Variants in SS18L1 observed in about 807,000 individuals in gnomAD.
The protein encoded by SS18L1 is calcium-responsive transactivator.
In SS18L1, 32 loss-of-function variants were observed where a neutral mutation model predicts 70.3. That is an observed-to-expected ratio of 0.46 (90% CI 0.34 to 0.61). SS18L1 has a LOEUF of 0.61. SS18L1 is among the 20% of genes least tolerant of loss of function. The probability of loss-of-function intolerance (pLI) is 0.01; values close to 1 mark genes in which losing one functional copy is unlikely to be tolerated. For synonymous variants in SS18L1, 237 were observed against 229.7 expected, an observed-to-expected ratio of 1.03 and a Z score of -0.29; for missense variants, 430 against 542.1, an observed-to-expected ratio of 0.79 and a Z score of 2.05.
At chr20:62,177,403 GCAGAAAGACAT>G (rs1425383865) in intron 10 of SS18L1, among the ~76,000 whole-genome samples, 2 of 152,168 alleles carry the variant, frequency 1.3e-5, no homozygotes, top group African/African-American at 4.8e-5. Flanking sequence ...TGGTGCAGGA[GCAGAAAGACAT>G]CAGAACAGAC....
At chr20:62,157,819 G>C (rs1175711709) in intron 1 of SS18L1, among the ~76,000 whole-genome samples, 1 of 152,164 alleles carries the variant, frequency 6.6e-6, no homozygotes, top group Non-Finnish European at 1.5e-5. Flanking sequence ...GCCAGCCCCA[G>C]GTCTAGGTCA....
rs1027932053 is a variant in SS18L1, at chr20:62,159,315, G to T, written c.147-562G>T. ...CCTCCAAGCGGCTGTCCAAGTGGCC[G>T]TCAGACTGACCTGGAGGTGGGAAGT... On this transcript the variant is annotated intron_variant, in intron 2 of 10. Coordinates refer to ENST00000331758, the MANE Select transcript of SS18L1 (RefSeq NM_198935.3). This position sits in a 1 kb window ranked among gnomAD's most constrained non-coding sequence, Gnocchi z 4.4. Among the ~76,000 whole-genome samples the T allele has an allele frequency of 2.6e-5, 4 of 152,224 alleles. No individual in the cohort carries two copies. Among genetic ancestry groups the T allele is most frequent in the Admixed American group, 2.6e-4 (4 of 15,288 alleles).
At position 62,162,789 on chromosome 20, in the gene SS18L1, C is replaced by T. The variant is rs757745478; in HGVS notation, c.414C>T (p.Asn138=). ...SHVSMQQTAP[N]TLPTTSMSIS... is the part of the protein sequence containing the mutation. ...TGTCCATGCAGCAGACGGCGCCTAA[C>T]ACGCTGCCCACCACCTCCATGAGCA... Residue 138 remains asparagine, a synonymous_variant, in exon 5 of 11, where the codon AAC becomes AAT. Transcript: ENST00000331758. 4 of 1,612,614 alleles carry T rather than the reference C, an allele frequency of 2.5e-6. No individual in the cohort carries two copies. The South Asian group carries it at 4.4e-5, about 18-fold the overall frequency.
Position 62,174,496 on chromosome 20 carries a change from C to T in SS18L1, c.1037-21C>T, listed in dbSNP as rs560264245. The T allele has an allele frequency of 1.1e-4, 182 of 1,593,984 alleles. 2 individuals are homozygous for T. The South Asian group carries it at 1.9e-3, about 16-fold the overall frequency. ...GAGGTGTCCGTTTTGGCCGGCCTCA[C>T]GGTTCCTGGTGTCTTCTCAGGGTCT... is the stretch of plus-strand genomic sequence containing the variant. On this transcript the variant is annotated intron_variant, in intron 9 of 10. Coordinates refer to ENST00000331758, the MANE Select transcript of SS18L1 (RefSeq NM_198935.3). This position sits in a 1 kb window ranked among gnomAD's most constrained non-coding sequence, Gnocchi z 4.1.
At chr20:62,162,260 G>A (rs2057342941) in intron 4 of SS18L1, among the ~76,000 whole-genome samples, 1 of 152,122 alleles carries the variant, frequency 6.6e-6, no homozygotes, top group African/African-American at 2.4e-5. Flanking sequence ...ACAAATAAAC[G>A]ATTCATCCTG....
At position 62,174,718 on chromosome 20, in the gene SS18L1, GC is replaced by G; in HGVS notation, c.1164+76del. 1 of 1,611,584 alleles carries G rather than the reference GC, an allele frequency of 6.2e-7. No homozygotes were observed. ...AGACATAATGAAGATTTCTCTTATG[GC>G]CATGAGGAATAATGAGCTGGAACTA... On this transcript the variant is annotated intron_variant, in intron 10 of 10. Coordinates refer to ENST00000331758, the MANE Select transcript of SS18L1 (RefSeq NM_198935.3). The surrounding 1 kb of genome is among the most constrained non-coding windows in gnomAD (Gnocchi z 4.1).
chr20:62,173,708 A>C (rs1238529305), intron 9 of SS18L1, among the ~76,000 whole-genome samples: 3 of 151,994 alleles, frequency 2.0e-5, no homozygotes, highest in Non-Finnish European at 4.4e-5. Flanking sequence ...ACGACTCCTC[A>C]AAAAATAAAA....
intron 1 of SS18L1, among the ~76,000 whole-genome samples, chr20:62,145,158 C>T (rs190471338): frequency 1.3e-5 from 2 of 152,350 alleles, no homozygotes; most frequent in Admixed American, 6.5e-5. Context: ...ACTTAGTAAA[C>T]ACTTATGTGG....
intron 1 of SS18L1, among the ~76,000 whole-genome samples, chr20:62,147,350 G>C (rs757052064): frequency 1.3e-5 from 2 of 152,106 alleles, no homozygotes; most frequent in African/African-American, 2.4e-5. Context: ...ATGTCCCCAC[G>C]GTGGCCCTGG....
At chr20:62,152,699 C>T (rs1266698944) in intron 1 of SS18L1, among the ~76,000 whole-genome samples, 1 of 152,218 alleles carries the variant, frequency 6.6e-6, no homozygotes, top group African/African-American at 2.4e-5. Flanking sequence ...GTGGAGGAGA[C>T]TCAGGTGGGC....
intron 1 of SS18L1, among the ~76,000 whole-genome samples, chr20:62,152,721 C>T (rs556782955): frequency 7.2e-5 from 11 of 152,324 alleles, no homozygotes; most frequent in African/African-American, 2.2e-4. Flanking sequence ...CATCACCAGC[C>T]CTGGCAACCC....
At chr20:62,179,123 GTC>G in intron 10 of SS18L1, 57 bp from the exon 11 acceptor site, 1 of 1,597,930 alleles carries the variant, frequency 6.3e-7, no homozygotes, top group Non-Finnish European at 8.6e-7. Flanking sequence ...TGGGGTGGAC[GTC>G]TGTCTTCCTT....
Position 62,174,912 on chromosome 20 carries a change from T to G in SS18L1, c.1164+268T>G. ...CTCACATTCATTCACTCTGCCAGTG[T>G]TTGTCACGTACTGGGTACGCGTCCG... On this transcript the variant is annotated intron_variant, in intron 10 of 10. Transcript: ENST00000331758. This position sits in a 1 kb window ranked among gnomAD's most constrained non-coding sequence, Gnocchi z 4.1. The G allele has an allele frequency of 2.0e-6, 2 of 985,402 alleles. No homozygotes were observed. The highest frequency in any genetic ancestry group is 2.4e-6 in the Non-Finnish European group (2 of 829,874). 61.0% of individuals were successfully genotyped at this position (985,402 alleles called of 1,614,324 possible).
At chr20:62,177,251 A>C (rs535519160) in intron 10 of SS18L1, among the ~76,000 whole-genome samples, 1 of 151,610 alleles carries the variant, frequency 6.6e-6, no homozygotes, top group Admixed American at 6.6e-5. Context: ...GTATTCCAGC[A>C]TGGGCAACAA....
chr20:62,145,175 C>T (rs1055162920), intron 1 of SS18L1, among the ~76,000 whole-genome samples: 1 of 152,230 alleles, frequency 6.6e-6, no homozygotes, highest in South Asian at 2.1e-4. Flanking sequence ...GTGGCGCTTA[C>T]CGTATCCCAG....
At chr20:62,152,608 C>G (rs1247391585) in intron 1 of SS18L1, among the ~76,000 whole-genome samples, 2 of 152,162 alleles carry the variant, frequency 1.3e-5, no homozygotes, top group Non-Finnish European at 2.9e-5. Context: ...CAGAAGACAG[C>G]AGTAAATACA....
chr20:62,165,389 T>C (rs768676616), intron 7 of SS18L1, 33 bp from the exon 8 acceptor site: 1 of 1,593,522 alleles, frequency 6.3e-7, no homozygotes. Flanking sequence ...GTGCACAGCC[T>C]CCGCTGACTG....
At chr20:62,144,107 C>T (rs932045428) in intron 1 of SS18L1, among the ~76,000 whole-genome samples, 4 of 150,302 alleles carry the variant, frequency 2.7e-5, no homozygotes, top group Non-Finnish European at 4.4e-5. Context: ...GGAGAGCCTG[C>T]GCCAACTTTG....
intron 1 of SS18L1, among the ~76,000 whole-genome samples, chr20:62,150,104 G>A (rs535057473): frequency 6.6e-6 from 1 of 152,384 alleles, no homozygotes; most frequent in South Asian, 2.1e-4. Context: ...CAAGCATACA[G>A]CGGTGGGGCC....
Sources: allele counts gnomAD v4.1 joint callset (sites outside exome capture counted in the v4.1 genomes callset), GRCh38; gene constraint gnomAD v4.1.1; non-coding constraint Gnocchi (gnomAD v3.1); transcripts MANE v1.5; gene names NCBI Gene and HGNC (gene_info 2026-07-23, HGNC 2026-07-21).